Variants in DAPK2 observed in about 807,000 individuals in gnomAD.
DAPK2 encodes death-associated protein kinase 2.
Under a neutral mutation model 44.1 loss-of-function variants are expected in DAPK2, and 35 were observed. The ratio of observed to expected loss-of-function variants is 0.79; its 90% confidence interval spans 0.61 to 1.05. The LOEUF (loss-of-function observed/expected upper bound fraction) is 1.05. Ranked by LOEUF, DAPK2 falls within the 50% of genes least tolerant of loss-of-function variation. The pLI, the probability that DAPK2 is intolerant of heterozygous loss-of-function variation, is 0.00. For missense variants in DAPK2, 453 were observed against 483.2 expected (o/e 0.94, Z 0.59); for synonymous variants, 174 against 182.6 (o/e 0.95, Z 0.38).
chr15:64,000,192 C>CT (rs1309999584), intron 1 of DAPK2, among the ~76,000 whole-genome samples: 1 of 71,836 alleles, frequency 1.4e-5, no homozygotes, highest in African/African-American at 3.2e-5. Flanking sequence ...CTACTACACA[C>CT]ACACACACAC....
intron 1 of DAPK2, among the ~76,000 whole-genome samples, chr15:64,005,992 G>A (rs534864962): frequency 1.1e-3 from 160 of 150,260 alleles, no homozygotes; most frequent in Non-Finnish European, 1.4e-3. Flanking sequence ...ACCTATGATC[G>A]GATTATTGCA....
At chr15:63,970,573 T>C (rs1386338635) in intron 3 of DAPK2, among the ~76,000 whole-genome samples, 1 of 152,162 alleles carries the variant, frequency 6.6e-6, no homozygotes, top group Non-Finnish European at 1.5e-5. Context: ...AAAGATGAAG[T>C]AATCTCAGAC....
intron 1 of DAPK2, among the ~76,000 whole-genome samples, chr15:64,031,008 A>G (rs962984312): frequency 1.3e-5 from 2 of 151,542 alleles, no homozygotes; most frequent in Non-Finnish European, 2.9e-5. Flanking sequence ...ACACACACAC[A>G]CACACACGGA....
intron 3 of DAPK2, among the ~76,000 whole-genome samples, chr15:63,970,339 A>G (rs2078176718): frequency 1.3e-5 from 2 of 152,154 alleles, no homozygotes; most frequent in African/African-American, 2.4e-5. Flanking sequence ...TTTTGTGACC[A>G]TGTATTCTGC....
chr15:63,963,859 T>C (rs961367171), intron 3 of DAPK2, among the ~76,000 whole-genome samples: 13 of 152,236 alleles, frequency 8.5e-5, no homozygotes, highest in Non-Finnish European at 5.9e-5. Context: ...ACACTTTAAC[T>C]TTCTCCCCTC....
intron 3 of DAPK2, among the ~76,000 whole-genome samples, chr15:63,960,537 T>C (rs1476396963): frequency 6.6e-6 from 1 of 152,242 alleles, no homozygotes; most frequent in Non-Finnish European, 1.5e-5. Flanking sequence ...TCCCAGAGAT[T>C]CTGGTATGTT....
chr15:63,920,574 A>G (rs752046783), intron 8 of DAPK2: 5 of 152,178 alleles, frequency 3.3e-5, no homozygotes, highest in Non-Finnish European at 7.3e-5. Flanking sequence ...ATTGTATATG[A>G]TATTTGAAAT....
At chr15:64,009,532 A>C (rs569611169) in intron 1 of DAPK2, among the ~76,000 whole-genome samples, 2 of 151,202 alleles carry the variant, frequency 1.3e-5, no homozygotes, top group South Asian at 4.2e-4. Flanking sequence ...ACCCCAACAC[A>C]CTCATTTCCA....
chr15:63,956,343 G>A (rs1005604855), intron 3 of DAPK2, among the ~76,000 whole-genome samples: 2 of 150,982 alleles, frequency 1.3e-5, no homozygotes, highest in Non-Finnish European at 3.0e-5. Flanking sequence ...TTTGGATTTG[G>A]TTTGCAAAAG....
intron 1 of DAPK2, among the ~76,000 whole-genome samples, chr15:64,017,852 C>A (rs189497837): frequency 6.6e-6 from 1 of 152,164 alleles, no homozygotes; most frequent in African/African-American, 2.4e-5. Context: ...AATACAGACT[C>A]CCGGAGAAGG....
At chr15:63,987,741 C>G (rs1249161868) in intron 1 of DAPK2, among the ~76,000 whole-genome samples, 1 of 152,134 alleles carries the variant, frequency 6.6e-6, no homozygotes, top group Non-Finnish European at 1.5e-5. Flanking sequence ...GGAATGAAGC[C>G]CTTTCTCTTC....
chr15:63,936,481 G>A (rs1160171036), intron 4 of DAPK2, among the ~76,000 whole-genome samples: 3 of 152,024 alleles, frequency 2.0e-5, no homozygotes, highest in Non-Finnish European at 4.4e-5. Flanking sequence ...CGTGGTGGTG[G>A]GTGCCTGTAA....
upstream of DAPK2, among the ~76,000 whole-genome samples, chr15:64,041,350 G>T (rs933371456): frequency 6.6e-6 from 1 of 152,174 alleles, no homozygotes; most frequent in Non-Finnish European, 1.5e-5. Flanking sequence ...CCTGCCCCAG[G>T]CATCTCACTG....
Position 63,951,466 on chromosome 15 carries a change from C to T in DAPK2, c.454-12105G>A, listed in dbSNP as rs576169526. Among the ~76,000 whole-genome samples, 6 of 152,290 alleles carry T rather than the reference C, an allele frequency of 3.9e-5. No individual in the cohort carries two copies. The East Asian group carries it at 1.2e-3, about 29-fold the overall frequency. ...AGGTGACATCGTCTATGCACATCACCTCCACCTACCCACATCAGCAGGCTT... is the reference window on the plus strand; with the variant it reads ...AGGTGACATCGTCTATGCACATCACTTCCACCTACCCACATCAGCAGGCTT... On this transcript the variant is annotated intron_variant, in intron 3 of 10. Transcript: ENST00000261891.
rs1365531857 is a variant in DAPK2 at position 63,966,823 on chromosome 15, T to A, written c.453+4600A>T. On this transcript the variant is annotated intron_variant, in intron 3 of 10. Transcript: ENST00000261891. This position sits in a 1 kb window ranked among gnomAD's most constrained non-coding sequence, Gnocchi z 5.5. ...GCCAGAAGATGGGGAAGGGGTGGTA[T>A]AGGTGATTCAAGACTGTCTTTCCTA... Among the ~76,000 whole-genome samples the A allele has an allele frequency of 2.6e-5, 4 of 152,124 alleles. No homozygotes were observed. The highest frequency in any genetic ancestry group is 6.6e-5 in the Admixed American group (1 of 15,258).
chr15:63,984,833 C>T (rs969908952), intron 1 of DAPK2, among the ~76,000 whole-genome samples: 1 of 152,170 alleles, frequency 6.6e-6, no homozygotes, highest in Admixed American at 6.5e-5. Flanking sequence ...GGATATTTGC[C>T]CCAAATGCAG....
At chr15:64,025,215 T>C (rs1386220848) in intron 1 of DAPK2, among the ~76,000 whole-genome samples, 1 of 152,176 alleles carries the variant, frequency 6.6e-6, no homozygotes, top group Non-Finnish European at 1.5e-5. Flanking sequence ...CAAGGTAAGT[T>C]AGTTCAATCT....
intron 4 of DAPK2, chr15:63,935,814 ATG>A (rs1472826119): frequency 1.3e-5 from 2 of 151,850 alleles, no homozygotes; most frequent in Non-Finnish European, 2.9e-5. Context: ...TCATATTTCT[ATG>A]TCTTTGTCAC....
intron 3 of DAPK2, among the ~76,000 whole-genome samples, chr15:63,956,593 T>G (rs1936551169): frequency 6.6e-6 from 1 of 151,754 alleles, no homozygotes; most frequent in Admixed American, 6.6e-5. Flanking sequence ...AATTTAAATT[T>G]TTTTTTTTTT....
Sources: gnomAD v4.1 joint callset for allele counts (sites outside exome capture counted in the v4.1 genomes callset) on GRCh38, gnomAD v4.1.1 for gene constraint, Gnocchi (gnomAD v3.1) non-coding constraint, MANE v1.5 for transcripts, NCBI Gene and HGNC (gene_info 2026-07-23, HGNC 2026-07-21) for gene names.